DLG1: variants seen among roughly 807,000 people sequenced by gnomAD.
The protein encoded by DLG1 is disks large homolog 1.
DLG1 carries 42 observed loss-of-function variants against 123.4 expected under a neutral mutation model. The observed-to-expected ratio is 0.34, with a 90% CI of 0.27 to 0.44. DLG1 has a LOEUF of 0.44. Among genes scored for constraint, DLG1 ranks in the 20% least tolerant of loss-of-function variants. DLG1 has a pLI of 1.00. For synonymous variants in DLG1, 317 were observed against 356.2 expected (o/e 0.89, Z 1.24); for missense variants, 942 against 1,082.6 (o/e 0.87, Z 1.82).
intron 5 of DLG1, among the ~76,000 whole-genome samples, chr3:197,193,015 A>G (rs1720488971): frequency 6.6e-6 from 1 of 152,174 alleles, no homozygotes; most frequent in Non-Finnish European, 1.5e-5. Context: ...AGCAAAATTA[A>G]CTGATAGAAA....
At chr3:197,057,607 A>G (rs944091414) in intron 23 of DLG1, among the ~76,000 whole-genome samples, 1 of 152,190 alleles carries the variant, frequency 6.6e-6, no homozygotes, top group Admixed American at 6.5e-5. Flanking sequence ...CATCTTTGCC[A>G]GCATTAAATA....
intron 19 of DLG1, among the ~76,000 whole-genome samples, chr3:197,068,967 AATACAT>A (rs1011263294): frequency 2.0e-5 from 3 of 151,920 alleles, no homozygotes; most frequent in African/African-American, 4.8e-5. Flanking sequence ...TCTTACAAAA[AATACAT>A]ATACATATAC....
intron 4 of DLG1, among the ~76,000 whole-genome samples, chr3:197,269,654 T>C (rs897133126): frequency 4.6e-5 from 7 of 152,266 alleles, no homozygotes; most frequent in African/African-American, 1.7e-4. Flanking sequence ...GAATGACAGT[T>C]TGATCAATTC....
At chr3:197,154,125 AC>A (rs1282698622) in intron 5 of DLG1, among the ~76,000 whole-genome samples, 3 of 151,602 alleles carry the variant, frequency 2.0e-5, no homozygotes, top group Non-Finnish European at 4.4e-5. Context: ...ACATACTGAA[AC>A]CCTGTCTCTA....
At chr3:197,071,912 C>G (rs3856757) in intron 18 of DLG1, among the ~76,000 whole-genome samples, 24,778 of 152,112 alleles carry the variant, frequency 0.16, 2,148 homozygotes, top group African/African-American at 0.18. Context: ...CTATACGACC[C>G]AGCAATTCCT....
At chr3:197,151,135 C>G (rs1793650310) in intron 5 of DLG1, among the ~76,000 whole-genome samples, 1 of 152,050 alleles carries the variant, frequency 6.6e-6, no homozygotes, top group Non-Finnish European at 1.5e-5. Context: ...ATTGAGATTA[C>G]TCAAACTGGT....
chr3:197,213,835 T>C (rs1732583581), intron 4 of DLG1, among the ~76,000 whole-genome samples: 1 of 152,156 alleles, frequency 6.6e-6, no homozygotes, highest in African/African-American at 2.4e-5. Flanking sequence ...ACAGTTTTAT[T>C]TGGGTGAGTC....
chr3:197,059,818 G>C (rs1480120868), intron 23 of DLG1, 71 bp downstream of exon 23: 1 of 933,426 alleles, frequency 1.1e-6, no homozygotes, highest in East Asian at 2.5e-5. Context: ...GAGATGCAGG[G>C]AGAGTAAATA....
intron 18 of DLG1, among the ~76,000 whole-genome samples, chr3:197,076,086 C>G (rs767773564): frequency 1.3e-5 from 2 of 152,130 alleles, no homozygotes; most frequent in African/African-American, 2.4e-5. Flanking sequence ...AGCATGAAGG[C>G]TGATTCAGGT....
intron 4 of DLG1, among the ~76,000 whole-genome samples, chr3:197,240,156 G>A (rs1419382741): frequency 1.3e-5 from 2 of 152,066 alleles, no homozygotes; most frequent in Non-Finnish European, 2.9e-5. Context: ...AAATTCTACT[G>A]TAACTCAGCC....
chr3:197,294,785 T>C (rs1034958239), intron 3 of DLG1, among the ~76,000 whole-genome samples: 4 of 151,350 alleles, frequency 2.6e-5, no homozygotes, highest in African/African-American at 7.3e-5. Context: ...AGCAAACCCA[T>C]CCCCAATCTA....
intron 6 of DLG1, among the ~76,000 whole-genome samples, chr3:197,147,436 AC>A (rs1561034833): frequency 3.2e-5 from 1 of 31,214 alleles, no homozygotes; most frequent in Non-Finnish European, 7.1e-5. Flanking sequence ...TGGTGTGCAC[AC>A]ACACACACAC....
chr3:197,097,579 T>A (rs929367315), intron 14 of DLG1, among the ~76,000 whole-genome samples: 4 of 141,402 alleles, frequency 2.8e-5, no homozygotes, highest in African/African-American at 5.2e-5. Context: ...TTTTGTACTT[T>A]CTTTTTTTTT....
At chr3:197,288,743 A>AAATACATACATAC (rs1553827364) in intron 3 of DLG1, among the ~76,000 whole-genome samples, 14 of 72,094 alleles carry the variant, frequency 1.9e-4, no homozygotes, top group African/African-American at 9.5e-4. Flanking sequence ...AAAAAAAAAA[A>AAATACATACATAC]ATACATACAT....
chr3:197,280,079 G>A (rs1768477864), intron 4 of DLG1, among the ~76,000 whole-genome samples: 1 of 152,028 alleles, frequency 6.6e-6, no homozygotes, highest in Admixed American at 6.6e-5. Flanking sequence ...CTGAACAGTA[G>A]AATGTATTCC....
intron 5 of DLG1, among the ~76,000 whole-genome samples, chr3:197,169,335 A>G (rs1229802876): frequency 6.6e-6 from 1 of 152,242 alleles, no homozygotes; most frequent in Non-Finnish European, 1.5e-5. Flanking sequence ...AGAAGGGACA[A>G]TTAGGAGTTT....
chr3:197,129,421 T>C (rs1211743042), intron 11 of DLG1, among the ~76,000 whole-genome samples: 1 of 152,232 alleles, frequency 6.6e-6, no homozygotes, highest in Admixed American at 6.5e-5. Context: ...TAGGGTCTTG[T>C]TCTGGATTAG....
intron 4 of DLG1, among the ~76,000 whole-genome samples, chr3:197,255,784 A>G (rs893565540): frequency 6.6e-6 from 1 of 152,160 alleles, no homozygotes; most frequent in African/African-American, 2.4e-5. Flanking sequence ...TAAAAAAAAA[A>G]AAAAGATTAT....
At chr3:197,129,943 A>G (rs1487330341) in intron 11 of DLG1, among the ~76,000 whole-genome samples, 1 of 152,230 alleles carries the variant, frequency 6.6e-6, no homozygotes, top group East Asian at 1.9e-4. Flanking sequence ...TTACTGTAAC[A>G]GATATAATAA....
Sources: gnomAD v4.1 joint callset for allele counts (sites outside exome capture counted in the v4.1 genomes callset) on GRCh38, gnomAD v4.1.1 for gene constraint, MANE v1.5 for transcripts, NCBI Gene and HGNC (gene_info 2026-07-23, HGNC 2026-07-21) for gene names.